Variants in OLFML1 observed in about 807,000 individuals in gnomAD.
The protein encoded by OLFML1 is olfactomedin like 1.
Under a neutral mutation model 37.3 loss-of-function variants are expected in OLFML1, and 33 were observed. That is an observed-to-expected ratio of 0.88 (90% CI 0.67 to 1.18). The LOEUF (loss-of-function observed/expected upper bound fraction) is 1.18. Ranked by LOEUF, OLFML1 falls within the 50% of genes most tolerant of loss-of-function variation. OLFML1 has a pLI of 0.00. For synonymous variants in OLFML1, 186 were observed against 181.3 expected, an observed-to-expected ratio of 1.03 and a Z score of -0.21; for missense variants, 545 against 483.7, an observed-to-expected ratio of 1.13 and a Z score of -1.19.
chr11:7,497,610 C>T (rs1464484666), intron 2 of OLFML1, among the ~76,000 whole-genome samples: 1 of 152,150 alleles, frequency 6.6e-6, no homozygotes, highest in East Asian at 1.9e-4. Context: ...AAGTTCTCAA[C>T]TTGATGTCTT....
intron 2 of OLFML1, among the ~76,000 whole-genome samples, chr11:7,494,634 G>A (rs531220580): frequency 2.3e-4 from 35 of 152,278 alleles, no homozygotes; most frequent in African/African-American, 7.2e-4. Flanking sequence ...TGGGAGTGTC[G>A]GGGCTCAGAG....
At chr11:7,488,076 G>C in intron 1 of OLFML1, 51 bp from the exon 2 acceptor site, 2 of 1,282,554 alleles carry the variant, frequency 1.6e-6, no homozygotes, top group Non-Finnish European at 2.2e-6. Context: ...TATATTATTT[G>C]GGTAATTTAA....
intron 2 of OLFML1, among the ~76,000 whole-genome samples, chr11:7,501,820 T>C (rs1384566818): frequency 6.6e-6 from 1 of 152,216 alleles, no homozygotes; most frequent in South Asian, 2.1e-4. Flanking sequence ...AATATCTGCT[T>C]AAATGAGACT....
In OLFML1 at chr11:7,488,188, C is replaced by CA; in HGVS notation, c.197dup (p.Asn66LysfsTer15). ...TACATTCAAGAATTCCAAGAGTTCT[C>CA]AAAAAATATATCTGTCATGCTGGGA... On this transcript the variant is annotated frameshift_variant, in exon 2 of 3. Coordinates refer to ENST00000329293, the MANE Select transcript of OLFML1 (RefSeq NM_198474.4). LOFTEE classifies it high-confidence loss of function. 6.2e-7 allele frequency: 1 copy of CA among 1,613,658 alleles called. No homozygotes were observed. The highest frequency in any genetic ancestry group is 1.3e-5 in the African/African-American group (1 of 74,994).
intron 2 of OLFML1, among the ~76,000 whole-genome samples, chr11:7,507,951 T>C (rs1224010699): frequency 6.6e-6 from 1 of 152,250 alleles, no homozygotes; most frequent in African/African-American, 2.4e-5. Context: ...TTGTGAATGT[T>C]ATCTGGTCCT....
chr11:7,510,515 T>C lies in OLFML1; in HGVS notation c.*327T>C, dbSNP rs1590065559. On this transcript the variant is annotated 3_prime_UTR_variant, in exon 3 of 3. Coordinates refer to ENST00000329293, the MANE Select transcript of OLFML1 (RefSeq NM_198474.4). ...AGCATTTACTGTAACTCTGCCATCTTCCCTCCCACAATTAGAGTTGTATGC... is the reference window on the plus strand; with the variant it reads ...AGCATTTACTGTAACTCTGCCATCTCCCCTCCCACAATTAGAGTTGTATGC... 1.7e-5 allele frequency: 4 copies of C among 231,000 alleles called. No individual in the cohort carries two copies. In the East Asian group the frequency reaches 2.8e-4, roughly 16 times the overall value. 14.3% of individuals were successfully genotyped at this position (231,000 alleles called of 1,614,324 possible).
In OLFML1 at chr11:7,488,343, G is replaced by A. The variant is rs1300316018; in HGVS notation, c.346G>A (p.Asp116Asn). 8.1e-6 allele frequency: 13 copies of A among 1,613,962 alleles called. No homozygotes were observed. The highest frequency in any genetic ancestry group is 1.1e-5 in the Non-Finnish European group (13 of 1,179,998). ...GGCTGACGAGTGCATCGAATCAGAG[G>A]ACAAGACACTGGCAGAAATGTTGCT... ...READECIESE[D>N]KTLAEMLLQE... is the part of the protein sequence containing the mutation. The change falls in exon 2 of 3, where the codon GAC becomes AAC. Residue 116 changes from aspartate to asparagine, a missense_variant. Physicochemically the swap from Asp to Asn is conservative, Grantham distance 23 (BLOSUM62 1). Coordinates refer to ENST00000329293, the MANE Select transcript of OLFML1 (RefSeq NM_198474.4).
In OLFML1 at chr11:7,497,469, A is replaced by G. The variant is rs546231760; in HGVS notation, c.418+9054A>G. Among the ~76,000 whole-genome samples the G allele has an allele frequency of 2.0e-5, 3 of 152,330 alleles. No individual in the cohort carries two copies. The South Asian group carries it at 6.2e-4, about 32-fold the overall frequency. On this transcript the variant is annotated intron_variant, in intron 2 of 2. Transcript: ENST00000329293. Reference sequence around the variant, plus strand: ...GGATTATGGAGACCTGGCCTCTTCCAGAAGGAGGCACTGGAAGGAAGTTGT... The same window carrying G: ...GGATTATGGAGACCTGGCCTCTTCCGGAAGGAGGCACTGGAAGGAAGTTGT...
At chr11:7,490,512 G>A (rs1011903720) in intron 2 of OLFML1, among the ~76,000 whole-genome samples, 1 of 152,148 alleles carries the variant, frequency 6.6e-6, no homozygotes, top group African/African-American at 2.4e-5. Flanking sequence ...ACCAGGTGTT[G>A]AGACTACCCT....
At position 7,510,040 on chromosome 11, in the gene OLFML1, A is replaced by T; in HGVS notation, c.1061A>T (p.Glu354Val). The change falls in exon 3 of 3, where the codon GAG becomes GTG. Residue 354 changes from glutamate (E) to valine (V), a missense_variant. Transcript: ENST00000329293. ...IYDPLGTISE[E>V]DLPNLFFPKR... is the part of the protein sequence containing the mutation. The stretch of plus-strand genomic sequence containing the variant: ...GATCCACTGGGCACTATCAGTGAGG[A>T]GGACTTGCCCAACTTGTTCTTCCCC... 1 of 1,614,254 alleles carries T rather than the reference A, an allele frequency of 6.2e-7. No homozygotes were observed. The highest frequency in any genetic ancestry group is 8.5e-7 in the Non-Finnish European group (1 of 1,180,054).
In OLFML1 at chr11:7,509,718, G is replaced by A; in HGVS notation, c.739G>A (p.Glu247Lys). The change falls in exon 3 of 3, where the codon GAA (glutamate) becomes AAA (lysine). Residue 247 changes from glutamate to lysine, a missense_variant. Transcript: ENST00000329293. ...ATATAACCTGCAGAAGAGGACTGTG[G>A]AAGATCGAATGCTGCTCCCAGGAGG... ...IKYNLQKRTV[E>K]DRMLLPGGVG... is the part of the protein sequence containing the mutation. 1 of 1,614,236 alleles carries A rather than the reference G, an allele frequency of 6.2e-7. No homozygotes were observed. The highest frequency in any genetic ancestry group is 2.2e-5 in the East Asian group (1 of 44,890).
intron 2 of OLFML1, among the ~76,000 whole-genome samples, chr11:7,490,134 G>GC (rs1176119886): frequency 3.1e-5 from 4 of 127,856 alleles, no homozygotes; most frequent in Admixed American, 3.1e-4. Context: ...GGCTTTGGTG[G>GC]GGGGGGGGGC....
At chr11:7,492,467 C>T (rs913098106) in intron 2 of OLFML1, among the ~76,000 whole-genome samples, 30 of 152,186 alleles carry the variant, frequency 2.0e-4, no homozygotes, top group African/African-American at 6.8e-4. Context: ...AACCTTGTAT[C>T]TCAGGAGACT....
intron 2 of OLFML1, among the ~76,000 whole-genome samples, chr11:7,493,136 G>A (rs927143110): frequency 3.3e-5 from 5 of 152,064 alleles, no homozygotes; most frequent in South Asian, 2.1e-4. Context: ...TCCTGTTGTC[G>A]TCCAGTTCCT....
At chr11:7,487,929 G>T (rs1016379665) in intron 1 of OLFML1, among the ~76,000 whole-genome samples, 198 bp from the exon 2 acceptor site, 70 of 151,922 alleles carry the variant, frequency 4.6e-4, no homozygotes, top group African/African-American at 1.6e-3. Context: ...ATGACTAAAT[G>T]CTTGGGAAAA....
At chr11:7,489,554 A>G (rs1848570560) in intron 2 of OLFML1, among the ~76,000 whole-genome samples, 1 of 151,982 alleles carries the variant, frequency 6.6e-6, no homozygotes, top group Non-Finnish European at 1.5e-5. Context: ...AGAACCATTG[A>G]GCAATTTTAA....
At chr11:7,502,917 T>C (rs1848740649) in intron 2 of OLFML1, among the ~76,000 whole-genome samples, 1 of 152,218 alleles carries the variant, frequency 6.6e-6, no homozygotes, top group Non-Finnish European at 1.5e-5. Context: ...TATGTAACAT[T>C]ATAATTTAAA....
chr11:7,509,295 T>C, intron 2 of OLFML1, 103 bp from the exon 3 acceptor site: 1 of 828,486 alleles, frequency 1.2e-6, no homozygotes, highest in East Asian at 2.4e-5. Flanking sequence ...CCATCAGTAT[T>C]AGACCTGAAA....
At chr11:7,488,017 A>G (rs1848544575) in intron 1 of OLFML1, 110 bp from the exon 2 acceptor site, 2 of 729,702 alleles carry the variant, frequency 2.7e-6, no homozygotes, top group Non-Finnish European at 4.3e-6. Flanking sequence ...TTTTTCCCCT[A>G]TTTGATGATG....
Sources: allele counts gnomAD v4.1 joint callset (sites outside exome capture counted in the v4.1 genomes callset), GRCh38; gene constraint gnomAD v4.1.1; transcripts MANE v1.5; gene names NCBI Gene and HGNC (gene_info 2026-07-23, HGNC 2026-07-21).